Variants in TNFRSF10B observed in about 807,000 individuals in gnomAD.
TNFRSF10B encodes TNF receptor superfamily member 10b.
A neutral mutation model predicts 41.4 loss-of-function variants in TNFRSF10B; 35 were observed. The ratio of observed to expected loss-of-function variants is 0.85; its 90% CI spans 0.65 to 1.12. The LOEUF (loss-of-function observed/expected upper bound fraction) is 1.12, where lower values mean the gene tolerates loss of function less well. Ranked by LOEUF, TNFRSF10B falls within the 50% of genes most tolerant of loss-of-function variation. The pLI is 0.00. For synonymous variants in TNFRSF10B, 230 were observed against 215.5 expected (o/e 1.07, Z -0.59); for missense variants, 584 against 552.7 (o/e 1.06, Z -0.57).
At position 23,065,404 on chromosome 8, in the gene TNFRSF10B, TG is replaced by T. The variant is rs1393721292; in HGVS notation, c.144+3346del. 1.4e-4 allele frequency among the ~76,000 whole-genome samples: 21 copies of T among 152,318 alleles called. 1 individual carries two copies. The South Asian group carries it at 4.4e-3, about 32-fold the overall frequency. On this transcript the variant is annotated intron_variant, in intron 1 of 8. Transcript: ENST00000276431. Reference sequence around the variant, plus strand: ...CAGGGCAGAGACTGGGAGAAGCAGCTGCCTGGAGGACTCTGGATCCTTGCAG... The same window carrying T: ...CAGGGCAGAGACTGGGAGAAGCAGCTCCTGGAGGACTCTGGATCCTTGCAG...
At chr8:23,025,018 G>A (rs75967178) in intron 7 of TNFRSF10B, among the ~76,000 whole-genome samples, 20,583 of 152,170 alleles carry the variant, frequency 0.14, 1,712 homozygotes, top group Non-Finnish European at 0.17. Context: ...GGGTGTAGTG[G>A]CACAAAACTG....
intron 7 of TNFRSF10B, among the ~76,000 whole-genome samples, chr8:23,024,507 G>A (rs1811642875): frequency 6.6e-6 from 1 of 151,038 alleles, no homozygotes; most frequent in African/African-American, 2.4e-5. Context: ...ATACTCAAAA[G>A]TGAATATGTC....
intron 1 of TNFRSF10B, among the ~76,000 whole-genome samples, chr8:23,062,461 T>C (rs1812859242): frequency 6.6e-6 from 1 of 152,230 alleles, no homozygotes; most frequent in Non-Finnish European, 1.5e-5. Flanking sequence ...CAAGCAATCC[T>C]CCTGTCTTGG....
At chr8:23,063,805 G>C (rs894280764) in intron 1 of TNFRSF10B, among the ~76,000 whole-genome samples, 2 of 152,178 alleles carry the variant, frequency 1.3e-5, no homozygotes, top group Non-Finnish European at 2.9e-5. Flanking sequence ...GATGAGGGAT[G>C]TCCCCGGGGA....
chr8:23,027,509 G>T, intron 6 of TNFRSF10B: 1 of 782,976 alleles, frequency 1.3e-6, no homozygotes, highest in Non-Finnish European at 2.1e-6. Flanking sequence ...AGGCTGTGGG[G>T]TGAGGATGTC....
chr8:23,036,430 T>C (rs1812031819), intron 2 of TNFRSF10B, among the ~76,000 whole-genome samples: 2 of 152,192 alleles, frequency 1.3e-5, no homozygotes, highest in African/African-American at 2.4e-5. Context: ...GAATTCCCTA[T>C]GGTCAGTTGC....
chr8:23,043,188 G>A lies in TNFRSF10B; in HGVS notation c.200C>T (p.Ala67Val), dbSNP rs1047266. Residue 67 changes from alanine to valine, a missense_variant, in exon 2 of 9, where the codon GCG becomes GTG. Physicochemically the swap from Ala to Val is moderately conservative, Grantham distance 64. Coordinates refer to ENST00000276431, the MANE Select transcript of TNFRSF10B (RefSeq NM_003842.5). ...GCTGGACCTCTTTTGTTGTGGGGCCGCTCTCTGCTGGGGAGCTAGGTCTTG... is the reference window on the plus strand; with the variant it reads ...GCTGGACCTCTTTTGTTGTGGGGCCACTCTCTGCTGGGGAGCTAGGTCTTG... Reference protein sequence around the residue: ...TQQDLAPQQRAAPQQKRSSPS... With the variant: ...TQQDLAPQQRVAPQQKRSSPS... 0.076 allele frequency: 122,207 copies of A among 1,613,848 alleles called. 6,251 individuals carry two copies. The highest frequency in any genetic ancestry group is 0.27 in the East Asian group (12,233 of 44,834).
At chr8:23,027,681 C>T (rs1166430383) in intron 6 of TNFRSF10B, 41 bp downstream of exon 6, 1 of 1,614,010 alleles carries the variant, frequency 6.2e-7, no homozygotes, top group East Asian at 2.2e-5. Context: ...GAAGCAGTTC[C>T]TGAACCCCTG....
chr8:23,050,142 T>G (rs1812484409), intron 1 of TNFRSF10B, among the ~76,000 whole-genome samples: 1 of 152,258 alleles, frequency 6.6e-6, no homozygotes, highest in African/African-American at 2.4e-5. Flanking sequence ...TTGGGCTGGT[T>G]AAGCCATTTA....
In TNFRSF10B at chr8:23,028,414, G is replaced by GC. The variant is rs1563307517; in HGVS notation, c.664dup (p.Ala222GlyfsTer35). On this transcript the variant is annotated frameshift_variant, in exon 5 of 9. Coordinates refer to ENST00000276431, the MANE Select transcript of TNFRSF10B (RefSeq NM_003842.5). LOFTEE classifies it high-confidence loss of function. ...AAACACAGCCACAATCAAGACTACG[G>GC]CTGCAACTGTGACTCCTATGATGAT... is the stretch of plus-strand genomic sequence containing the variant. The GC allele has an allele frequency of 1.2e-6, 2 of 1,614,180 alleles. No homozygotes were observed. Among genetic ancestry groups the GC allele is most frequent in the Admixed American group, 3.3e-5 (2 of 60,024 alleles).
chr8:23,059,460 G>A (rs986104008), intron 1 of TNFRSF10B, among the ~76,000 whole-genome samples: 1 of 152,196 alleles, frequency 6.6e-6, no homozygotes, highest in Non-Finnish European at 1.5e-5. Flanking sequence ...AACAGGGCAC[G>A]AGGGTTCCAA....
Position 23,053,534 on chromosome 8 carries a change from T to A in TNFRSF10B, c.145-10291A>T, listed in dbSNP as rs113712320. 4.3e-3 allele frequency among the ~76,000 whole-genome samples: 650 copies of A among 152,250 alleles called. 7 individuals carry two copies. Among genetic ancestry groups the A allele is most frequent in the African/African-American group, 0.015 (625 of 41,574 alleles). ...TGTGGAAGGGTAATTGTAAAGACAATTCTGTGTGTAAATGTATTGGCTAAA... is the reference window on the plus strand; with the variant it reads ...TGTGGAAGGGTAATTGTAAAGACAAATCTGTGTGTAAATGTATTGGCTAAA... On this transcript the variant is annotated intron_variant, in intron 1 of 8. Coordinates refer to ENST00000276431, the MANE Select transcript of TNFRSF10B (RefSeq NM_003842.5).
intron 4 of TNFRSF10B, 90 bp downstream of exon 4, chr8:23,029,520 G>C: frequency 7.7e-7 from 1 of 1,296,052 alleles, no homozygotes. Context: ...GCCCCTTGCG[G>C]GTGCTGTCAG....
chr8:23,062,193 T>C (rs1481754906), intron 1 of TNFRSF10B, among the ~76,000 whole-genome samples: 2 of 152,104 alleles, frequency 1.3e-5, no homozygotes, highest in East Asian at 3.8e-4. Flanking sequence ...GTTGGTTTTG[T>C]GGATTTTCTC....
chr8:23,027,641 GACCC>G, intron 6 of TNFRSF10B, 77 bp downstream of exon 6: 1 of 1,598,400 alleles, frequency 6.3e-7, no homozygotes, highest in African/African-American at 1.3e-5. Context: ...GGACAATGGG[GACCC>G]ACCCACCCAG....
At chr8:23,031,914 T>A (rs11782744) in intron 2 of TNFRSF10B, among the ~76,000 whole-genome samples, 277 of 10,448 alleles carry the variant, frequency 0.027, 6 homozygotes, top group Middle Eastern at 0.071. Context: ...GCAGTAGCAT[T>A]TTTTTTTTTT....
At chr8:23,042,118 G>T (rs918333020) in intron 2 of TNFRSF10B, among the ~76,000 whole-genome samples, 1 of 152,162 alleles carries the variant, frequency 6.6e-6, no homozygotes, top group Admixed American at 6.5e-5. Context: ...TATGTCTTGA[G>T]TCCTTCCTAT....
intron 1 of TNFRSF10B, among the ~76,000 whole-genome samples, chr8:23,054,992 T>G (rs1013612189): frequency 7.9e-5 from 12 of 152,206 alleles, no homozygotes; most frequent in African/African-American, 2.2e-4. Flanking sequence ...AGAAAAATTA[T>G]GTTTCAAAAA....
chr8:23,040,826 C>T (rs1812173895), intron 2 of TNFRSF10B, among the ~76,000 whole-genome samples: 1 of 152,008 alleles, frequency 6.6e-6, no homozygotes, highest in Non-Finnish European at 1.5e-5. Flanking sequence ...ATCCAAATTA[C>T]ACAAACCTTA....
Sources: allele counts gnomAD v4.1 joint callset (sites outside exome capture counted in the v4.1 genomes callset), GRCh38; gene constraint gnomAD v4.1.1; transcripts MANE v1.5; gene names NCBI Gene and HGNC (gene_info 2026-07-23, HGNC 2026-07-21).